RAI1: variants seen among roughly 807,000 people sequenced by gnomAD.
The protein encoded by RAI1 is retinoic acid-induced protein 1.
A neutral mutation model predicts 123.8 loss-of-function variants in RAI1; 9 were observed. The ratio of observed to expected loss-of-function variants is 0.07; its 90% CI spans 0.04 to 0.13. RAI1 has a LOEUF of 0.13. RAI1 is among the 10% of genes least tolerant of loss of function. The probability of loss-of-function intolerance (pLI) is 1.00; values close to 1 mark genes in which losing one functional copy is unlikely to be tolerated. For synonymous variants in RAI1, 1,231 were observed against 1,127.3 expected (o/e 1.09, Z -1.84); for missense variants, 2,256 against 2,545.8 (o/e 0.89, Z 2.45).
chr17:17,730,465 G>T lies in RAI1; in HGVS notation c.-17+6306G>T, dbSNP rs114406974. ...CAGCTCTGCCAGGGCAGCCCATGGG[G>T]ATGCAGCCCATGGCGCCTGTTGCCC... On this transcript the variant is annotated intron_variant, in intron 2 of 5. Transcript: ENST00000353383. 2.7e-3 allele frequency among the ~76,000 whole-genome samples: 417 copies of T among 152,356 alleles called. 2 individuals are homozygous for T. The highest frequency in any genetic ancestry group is 9.2e-3 in the African/African-American group (381 of 41,592).
At chr17:17,760,641 G>T (rs1200094731) in intron 2 of RAI1, among the ~76,000 whole-genome samples, 1 of 152,252 alleles carries the variant, frequency 6.6e-6, no homozygotes, top group Non-Finnish European at 1.5e-5. Flanking sequence ...AGCTGGAGCT[G>T]CTGTGGGGCC....
chr17:17,708,732 T>C (rs758028229), intron 1 of RAI1, among the ~76,000 whole-genome samples: 2 of 152,126 alleles, frequency 1.3e-5, no homozygotes, highest in Non-Finnish European at 2.9e-5. Context: ...CTGGACAAGG[T>C]GAGGGGGACA....
chr17:17,767,552 G>A (rs1416351779), intron 2 of RAI1, among the ~76,000 whole-genome samples: 2 of 152,224 alleles, frequency 1.3e-5, no homozygotes, highest in Non-Finnish European at 2.9e-5. Flanking sequence ...TTGAATGCCT[G>A]CTTTTGCATC....
At chr17:17,803,627 C>G (rs2032532088) in intron 3 of RAI1, 129 bp from the exon 4 acceptor site, 7 of 836,426 alleles carry the variant, frequency 8.4e-6, no homozygotes, top group Admixed American at 1.7e-5. Context: ...CTCAGGCGAT[C>G]CTCCCACCTT....
rs536839176 is a variant in RAI1, at chr17:17,791,329, G to A, written c.-16-1604G>A. Among the ~76,000 whole-genome samples the A allele has an allele frequency of 3.3e-3, 507 of 152,288 alleles. 4 individuals are homozygous for A. Among genetic ancestry groups the A allele is most frequent in the African/African-American group, 0.012 (480 of 41,552 alleles). On this transcript the variant is annotated intron_variant, in intron 2 of 5. Coordinates refer to ENST00000353383, the MANE Select transcript of RAI1 (RefSeq NM_030665.4). ...CTGCATCCATCCCCAGACACTAAATGAGGAAGGCACTTGTGGTGGGGTCCG... is the reference window on the plus strand; with the variant it reads ...CTGCATCCATCCCCAGACACTAAATAAGGAAGGCACTTGTGGTGGGGTCCG...
rs548071375 is a variant in RAI1, at chr17:17,796,846, G to A, written c.3898G>A (p.Ala1300Thr). 75 of 1,612,424 alleles carry A rather than the reference G, an allele frequency of 4.7e-5. No homozygotes were observed. The highest frequency in any genetic ancestry group is 6.2e-5 in the Non-Finnish European group (73 of 1,179,416). ...TKLPPPETPDACLKLASRAAF... is the reference protein window; with the variant it reads ...TKLPPPETPDTCLKLASRAAF... The stretch of plus-strand genomic sequence containing the variant: ...GCTCCCACCCCCGGAGACCCCCGAT[G>A]CCTGCCTCAAGCTCGCCTCTCGGGC... The change falls in exon 3 of 6, where the codon GCC becomes ACC. Residue 1300 changes from alanine (A) to threonine (T), a missense_variant. By Grantham distance (58) the Ala-to-Thr change is moderately conservative. Around this residue, in one of 7 missense-constraint regions of RAI1, gnomAD observed 322 missense variants for 358.0 expected, o/e 0.90. Transcript: ENST00000353383. The surrounding 1 kb of genome is among the most constrained non-coding windows in gnomAD (Gnocchi z 5.8).
chr17:17,799,537 C>A lies in RAI1; in HGVS notation c.5565+1024C>A, dbSNP rs2032385777. Reference sequence around the variant, plus strand: ...ATCCAGACTTCCGTGGAGTGACGCTCCCGGCTCTCAGCGCTGTGTGGTGGC... The same window carrying A: ...ATCCAGACTTCCGTGGAGTGACGCTACCGGCTCTCAGCGCTGTGTGGTGGC... On this transcript the variant is annotated intron_variant, in intron 3 of 5. Transcript: ENST00000353383. The surrounding 1 kb of genome is among the most constrained non-coding windows in gnomAD (Gnocchi z 4.5). Among the ~76,000 whole-genome samples, 1 of 152,178 alleles carries A rather than the reference C, an allele frequency of 6.6e-6. No individual in the cohort carries two copies. Among genetic ancestry groups the A allele is most frequent in the Non-Finnish European group, 1.5e-5 (1 of 68,018 alleles).
intron 1 of RAI1, among the ~76,000 whole-genome samples, chr17:17,706,245 C>T (rs916229506): frequency 2.6e-5 from 4 of 151,944 alleles, no homozygotes; most frequent in African/African-American, 9.7e-5. Context: ...GGGAGTGGGT[C>T]TGCTGGAGAA....
intron 1 of RAI1, among the ~76,000 whole-genome samples, chr17:17,709,053 G>A (rs979812459): frequency 6.6e-6 from 1 of 152,234 alleles, no homozygotes; most frequent in East Asian, 1.9e-4. Flanking sequence ...GAGAGTGGAA[G>A]GGAAGGAGAG....
intron 2 of RAI1, among the ~76,000 whole-genome samples, chr17:17,763,488 AG>A (rs1260232024): frequency 6.6e-6 from 1 of 152,204 alleles, no homozygotes; most frequent in Non-Finnish European, 1.5e-5. Flanking sequence ...GCTGGGGCAG[AG>A]GGGGCACCGA....
intron 1 of RAI1, among the ~76,000 whole-genome samples, chr17:17,703,798 G>T (rs912885767): frequency 1.3e-5 from 2 of 152,196 alleles, no homozygotes; most frequent in African/African-American, 4.8e-5. Flanking sequence ...GAGCCTTCAT[G>T]CCTAGCTGGG....
At chr17:17,725,407 CGGGAGGAGAGGAGGATGAAGG>C (rs1567851773) in intron 2 of RAI1, among the ~76,000 whole-genome samples, 4 of 152,086 alleles carry the variant, frequency 2.6e-5, no homozygotes, top group Non-Finnish European at 5.9e-5. Context: ...CCCTCAGGGC[CGGGAGGAGAGGAGGATGAAGG>C]GGGAGGAGAG....
intron 2 of RAI1, among the ~76,000 whole-genome samples, chr17:17,755,286 T>C (rs2030389679): frequency 6.6e-6 from 1 of 152,188 alleles, no homozygotes; most frequent in African/African-American, 2.4e-5. Flanking sequence ...GAGTGGCTGA[T>C]TAAGTGGGCT....
chr17:17,791,038 G>A (rs2031994409), intron 2 of RAI1, among the ~76,000 whole-genome samples: 1 of 152,262 alleles, frequency 6.6e-6, no homozygotes, highest in African/African-American at 2.4e-5. Context: ...CACGCTGCTT[G>A]TTAGGGATGC....
chr17:17,697,218 A>G (rs1486877482), intron 1 of RAI1, among the ~76,000 whole-genome samples: 3 of 152,242 alleles, frequency 2.0e-5, no homozygotes, highest in Admixed American at 1.3e-4. Context: ...GCTTTGGGGA[A>G]AAAGCTGAAG....
intron 1 of RAI1, among the ~76,000 whole-genome samples, chr17:17,718,563 C>G (rs1048607459): frequency 6.6e-6 from 1 of 152,102 alleles, no homozygotes; most frequent in African/African-American, 2.4e-5. Context: ...CCCTGCTGTC[C>G]CACAGTGCCC....
chr17:17,805,497 C>T (rs767078915), intron 4 of RAI1, among the ~76,000 whole-genome samples: 8 of 152,160 alleles, frequency 5.3e-5, no homozygotes, highest in Admixed American at 1.3e-4. Context: ...CCCAGGCTCC[C>T]GTCGCTCTCC....
At chr17:17,712,099 G>A (rs1362451777) in intron 1 of RAI1, among the ~76,000 whole-genome samples, 1 of 152,268 alleles carries the variant, frequency 6.6e-6, no homozygotes, top group Non-Finnish European at 1.5e-5. Context: ...AGTTTCTAAT[G>A]TCTGCGCTGT....
At chr17:17,702,785 A>G (rs971683927) in intron 1 of RAI1, among the ~76,000 whole-genome samples, 8 of 152,166 alleles carry the variant, frequency 5.3e-5, no homozygotes, top group Non-Finnish European at 8.8e-5. Flanking sequence ...GCTTCTCTTA[A>G]TATCTCATTT....
Sources: gnomAD v4.1 joint callset for allele counts (sites outside exome capture counted in the v4.1 genomes callset) on GRCh38, gnomAD v4.1.1 for gene constraint, gnomAD v4.1.1 regional missense constraint, Gnocchi (gnomAD v3.1) non-coding constraint, MANE v1.5 for transcripts, NCBI Gene and HGNC (gene_info 2026-07-23, HGNC 2026-07-21) for gene names.